The following BDNF variants were observed in gnomAD, a reference collection of about 807,000 sequenced individuals.
The protein encoded by BDNF is brain derived neurotrophic factor, also known as neurotrophic factor BDNF precursor form.
BDNF carries 1 observed loss-of-function variant against 19.5 expected under a neutral mutation model. The observed-to-expected ratio is 0.05, with a 90% CI of 0.02 to 0.24. The LOEUF (loss-of-function observed/expected upper bound fraction) is 0.24, where lower values mean the gene tolerates loss of function less well. Ranked by LOEUF, BDNF falls within the 10% of genes least tolerant of loss-of-function variation. The probability of loss-of-function intolerance (pLI) is 1.00; values close to 1 mark genes in which losing one functional copy is unlikely to be tolerated. For missense variants in BDNF, 195 were observed against 317.6 expected, an observed-to-expected ratio of 0.61 and a Z score of 2.93; for synonymous variants, 100 against 121.6, an observed-to-expected ratio of 0.82 and a Z score of 1.17.
rs1852940427 is a variant in BDNF, at chr11:27,658,894, T to C, written c.-21-309A>G. ...CTCCTTCTTCCCACTTTAGCAGCTT[T>C]GTAAGTTTAATTTTTAATGATCTCT... On this transcript the variant is annotated intron_variant, in intron 1 of 1. Coordinates refer to ENST00000356660, the MANE Select transcript of BDNF (RefSeq NM_001709.5). This position sits in a 1 kb window ranked among gnomAD's most constrained non-coding sequence, Gnocchi z 5.7. The C allele has an allele frequency of 8.1e-7, 1 of 1,240,030 alleles. No homozygotes were observed. Among genetic ancestry groups the C allele is most frequent in the African/African-American group, 1.5e-5 (1 of 64,706 alleles). The allele number at this position is 1,240,030 out of a possible 1,614,324, so 76.8% of individuals were successfully genotyped here.
intron 1 of BDNF, chr11:27,673,932 G>C: frequency 6.3e-6 from 7 of 1,117,302 alleles, no homozygotes; most frequent in Non-Finnish European, 8.7e-6. Context: ...AACAGGTGAT[G>C]GAAGAAACTG....
intron 1 of BDNF, among the ~76,000 whole-genome samples, chr11:27,697,164 C>CAGAGAGAGAGAGAGAGAG (rs72348822): frequency 2.9e-4 from 38 of 133,164 alleles, no homozygotes; most frequent in African/African-American, 1.0e-3. Context: ...CACACACACA[C>CAGAGAGAGAGAGAGAGAG]AGAGAGAGAG....
intron 1 of BDNF, among the ~76,000 whole-genome samples, chr11:27,682,661 T>A (rs562475715): frequency 6.6e-6 from 1 of 152,248 alleles, no homozygotes; most frequent in East Asian, 1.9e-4. Context: ...ATGTGGTGTT[T>A]GGTTTTCTGT....
intron 1 of BDNF, among the ~76,000 whole-genome samples, chr11:27,673,507 A>C (rs1374194028): frequency 6.6e-6 from 1 of 152,182 alleles, no homozygotes; most frequent in Non-Finnish European, 1.5e-5. Context: ...TCACTTTCAG[A>C]GTATTGCTGG....
At chr11:27,700,518 C>CGGGGGGGGGGGGGGGGGGGGGGGG, upstream of BDNF, 1 of 771,298 alleles carries the variant, frequency 1.3e-6, no homozygotes, top group Non-Finnish European at 1.4e-6. Flanking sequence ...TCAAACGGCG[C>CGGGGGGGGGGGGGGGGGGGGGGGG]CGCCCCCCCC....
At chr11:27,688,942 A>AC (rs1369831134) in intron 1 of BDNF, among the ~76,000 whole-genome samples, 2 of 152,236 alleles carry the variant, frequency 1.3e-5, no homozygotes, top group African/African-American at 4.8e-5. Context: ...TTACTAAGGA[A>AC]CAATACATCA....
chr11:27,655,933 T>G lies in BDNF; in HGVS notation c.*1888A>C, dbSNP rs1018934199. On this transcript the variant is annotated 3_prime_UTR_variant, in exon 2 of 2. Transcript: ENST00000356660. ...AATGGCAGAGGTGAGGCAGGGACCC[T>G]CTCCATGAACAGACAGGATGGGCAG... 1 of 152,244 alleles carries G rather than the reference T, an allele frequency of 6.6e-6. No homozygotes were observed. Among genetic ancestry groups the G allele is most frequent in the Admixed American group, 6.5e-5 (1 of 15,284 alleles). The allele number at this position is 152,244 out of a possible 1,614,324, so 9.4% of individuals were successfully genotyped here. A position where few individuals can be genotyped will look rare whatever the true frequency, so the allele number is the denominator to read the frequency against.
chr11:27,664,352 C>T (rs1265420484), intron 1 of BDNF, among the ~76,000 whole-genome samples: 1 of 150,690 alleles, frequency 6.6e-6, no homozygotes, highest in Admixed American at 6.6e-5. Flanking sequence ...TACTTACCTC[C>T]CTCCCTAGGA....
At chr11:27,660,186 G>A in intron 1 of BDNF, 1 of 1,187,100 alleles carries the variant, frequency 8.4e-7, no homozygotes, top group Non-Finnish European at 1.1e-6. Flanking sequence ...TGCAGAAATG[G>A]CTGAAAACTC....
At chr11:27,718,354 A>ACCCCCCCCCCCCCCCCCCCCCCC (rs376255605) in intron 1 of BDNF, among the ~76,000 whole-genome samples, 4 of 101,112 alleles carry the variant, frequency 4.0e-5, no homozygotes, top group Admixed American at 1.1e-4. Context: ...TCCGCACACC[A>ACCCCCCCCCCCCCCCCCCCCCCC]CCCCCCCCCG....
chr11:27,699,294 CCCT>C, intron 1 of BDNF: 1 of 1,562,320 alleles, frequency 6.4e-7, no homozygotes, highest in Non-Finnish European at 8.8e-7. Context: ...TTAGGGATGC[CCCT>C]AGTCTGTAAT....
chr11:27,678,929 TTCC>T (rs1361156367), intron 1 of BDNF, among the ~76,000 whole-genome samples: 1 of 152,180 alleles, frequency 6.6e-6, no homozygotes, highest in Admixed American at 6.5e-5. Context: ...AAGACTTCCC[TTCC>T]TCACCCTCCT....
chr11:27,711,953 AG>A (rs1860342876), intron 1 of BDNF, among the ~76,000 whole-genome samples: 1 of 152,174 alleles, frequency 6.6e-6, no homozygotes, highest in Non-Finnish European at 1.5e-5. Context: ...ATGGATTGCT[AG>A]GGTAATGGGG....
At chr11:27,682,512 A>G (rs1053937669) in intron 1 of BDNF, among the ~76,000 whole-genome samples, 2 of 151,796 alleles carry the variant, frequency 1.3e-5, no homozygotes, top group African/African-American at 4.8e-5. Flanking sequence ...GCACTCATCA[A>G]CTTGTCATCT....
intron 1 of BDNF, chr11:27,674,294 CT>C: frequency 6.4e-7 from 1 of 1,554,430 alleles, no homozygotes; most frequent in East Asian, 2.4e-5. Flanking sequence ...TCCAGTTGTC[CT>C]TCGGGTTATT....
intron 1 of BDNF, among the ~76,000 whole-genome samples, chr11:27,692,171 A>G (rs1370932040): frequency 1.3e-5 from 2 of 152,220 alleles, no homozygotes; most frequent in African/African-American, 2.4e-5. Context: ...GCAGAAATAT[A>G]TAACTGTTCT....
chr11:27,697,160 C>CAGAGAGAG (rs1362364179), intron 1 of BDNF, among the ~76,000 whole-genome samples: 142 of 117,910 alleles, frequency 1.2e-3, no homozygotes, highest in Non-Finnish European at 1.9e-3. Flanking sequence ...CACACACACA[C>CAGAGAGAG]ACACAGAGAG....
intron 1 of BDNF, among the ~76,000 whole-genome samples, chr11:27,660,926 A>G (rs1209257454): frequency 6.6e-6 from 1 of 152,216 alleles, no homozygotes. Flanking sequence ...TCTTTGAATG[A>G]TACCATTTTC....
intron 1 of BDNF, among the ~76,000 whole-genome samples, chr11:27,716,802 C>G (rs1860531158): frequency 6.6e-6 from 1 of 152,152 alleles, no homozygotes; most frequent in Admixed American, 6.5e-5. Flanking sequence ...AAAATATGCT[C>G]AGTTAGACAT....
Sources: allele counts gnomAD v4.1 joint callset (sites outside exome capture counted in the v4.1 genomes callset), GRCh38; gene constraint gnomAD v4.1.1; non-coding constraint Gnocchi (gnomAD v3.1); transcripts MANE v1.5; gene names NCBI Gene and HGNC (gene_info 2026-07-23, HGNC 2026-07-21).